MSRA: variants seen among roughly 807,000 people sequenced by gnomAD.
MSRA encodes the protein mitochondrial peptide methionine sulfoxide reductase.
MSRA carries 54 observed loss-of-function variants against 31.3 expected under a neutral mutation model. The observed-to-expected ratio is 1.73, with a 90% CI of 1.39 to 2.17. The LOEUF (loss-of-function observed/expected upper bound fraction) is 2.17, where lower values mean the gene tolerates loss of function less well. Among genes scored for constraint, MSRA ranks in the 30% most tolerant of loss-of-function variants. The probability of loss-of-function intolerance (pLI) is 0.00; values close to 1 mark genes in which losing one functional copy is unlikely to be tolerated. For synonymous variants in MSRA, 169 were observed against 116.5 expected, an observed-to-expected ratio of 1.45 and a Z score of -2.90; for missense variants, 507 against 300.9, an observed-to-expected ratio of 1.69 and a Z score of -5.07.
intron 1 of MSRA, among the ~76,000 whole-genome samples, chr8:10,147,086 G>A (rs538414744): frequency 1.4e-4 from 22 of 152,254 alleles, no homozygotes; most frequent in African/African-American, 5.1e-4. Flanking sequence ...TCGAAATCAG[G>A]TGACAAATGT....
intron 1 of MSRA, among the ~76,000 whole-genome samples, chr8:10,205,514 G>T (rs1291072689): frequency 2.6e-5 from 4 of 152,116 alleles, no homozygotes; most frequent in African/African-American, 9.7e-5. Context: ...CAGAGGAGAT[G>T]TCAGATAGGG....
intron 5 of MSRA, among the ~76,000 whole-genome samples, chr8:10,351,971 A>G (rs1804179497): frequency 6.6e-6 from 1 of 152,244 alleles, no homozygotes; most frequent in Admixed American, 6.5e-5. Flanking sequence ...TGCGATGAGG[A>G]TCGCACTGAC....
chr8:10,102,080 T>C (rs1799565343), intron 1 of MSRA, among the ~76,000 whole-genome samples: 1 of 152,236 alleles, frequency 6.6e-6, no homozygotes, highest in African/African-American at 2.4e-5. Context: ...GTCCTTAGTT[T>C]TCAAGGAATG....
intron 3 of MSRA, among the ~76,000 whole-genome samples, chr8:10,248,831 G>T (rs938969494): frequency 6.6e-6 from 1 of 152,232 alleles, no homozygotes; most frequent in Admixed American, 6.5e-5. Context: ...CATGCGTAGA[G>T]AATACAAGGG....
At chr8:10,368,691 G>A (rs1805305831) in intron 5 of MSRA, among the ~76,000 whole-genome samples, 2 of 152,230 alleles carry the variant, frequency 1.3e-5, no homozygotes, top group South Asian at 4.1e-4. Context: ...CAAAGCAGTT[G>A]TAAAACAGTT....
intron 1 of MSRA, among the ~76,000 whole-genome samples, chr8:10,117,405 G>A (rs1800765406): frequency 6.6e-6 from 1 of 152,206 alleles, no homozygotes; most frequent in Non-Finnish European, 1.5e-5. Flanking sequence ...CCCTGATCCA[G>A]CTCTCTGGTC....
At chr8:10,256,197 A>G (rs1302218341) in intron 3 of MSRA, among the ~76,000 whole-genome samples, 1 of 152,072 alleles carries the variant, frequency 6.6e-6, no homozygotes, top group Non-Finnish European at 1.5e-5. Context: ...TGCCTTTTTC[A>G]GAATGTCATT....
At chr8:10,410,825 C>G (rs761813397) in intron 5 of MSRA, among the ~76,000 whole-genome samples, 2 of 152,174 alleles carry the variant, frequency 1.3e-5, no homozygotes, top group Non-Finnish European at 2.9e-5. Flanking sequence ...GAAAGCATGC[C>G]AATTATATGC....
chr8:10,288,048 C>T (rs1303108602), intron 3 of MSRA, among the ~76,000 whole-genome samples: 3 of 151,996 alleles, frequency 2.0e-5, no homozygotes, highest in Non-Finnish European at 4.4e-5. Flanking sequence ...TGAATGAATC[C>T]CTCCTGTGGT....
chr8:10,082,257 A>AC (rs1324672189), intron 1 of MSRA, among the ~76,000 whole-genome samples: 1 of 152,030 alleles, frequency 6.6e-6, no homozygotes, highest in Non-Finnish European at 1.5e-5. Flanking sequence ...ACAAAACCTG[A>AC]CCCATAACAC....
chr8:10,391,496 A>C (rs1235192931), intron 5 of MSRA, among the ~76,000 whole-genome samples: 1 of 152,210 alleles, frequency 6.6e-6, no homozygotes, highest in Non-Finnish European at 1.5e-5. Flanking sequence ...ATTTCAGTTA[A>C]AACTATGAAA....
chr8:10,277,033 G>T (rs1057273782), intron 3 of MSRA, among the ~76,000 whole-genome samples: 2 of 151,996 alleles, frequency 1.3e-5, no homozygotes, highest in African/African-American at 4.8e-5. Flanking sequence ...TAATCTGTTA[G>T]CTTTTCTAAA....
intron 1 of MSRA, among the ~76,000 whole-genome samples, chr8:10,058,435 A>T (rs1802516584): frequency 6.6e-6 from 1 of 152,240 alleles, no homozygotes; most frequent in African/African-American, 2.4e-5. Context: ...TGAAAATGAT[A>T]ATTTTTAGGA....
At chr8:10,163,063 G>A (rs1386272329) in intron 1 of MSRA, among the ~76,000 whole-genome samples, 1 of 152,056 alleles carries the variant, frequency 6.6e-6, no homozygotes, top group African/African-American at 2.4e-5. Flanking sequence ...AAGAGCCTTA[G>A]TGCCTGCCTG....
chr8:10,402,161 G>C (rs376024672), intron 5 of MSRA, among the ~76,000 whole-genome samples: 2 of 152,184 alleles, frequency 1.3e-5, no homozygotes, highest in African/African-American at 4.8e-5. Flanking sequence ...ACATTGCTGA[G>C]GGTTCCTGTC....
intron 1 of MSRA, among the ~76,000 whole-genome samples, chr8:10,097,310 T>C (rs990017449): frequency 2.6e-5 from 4 of 152,202 alleles, no homozygotes; most frequent in African/African-American, 9.6e-5. Context: ...GTTGCCAAAA[T>C]GACAACCTTT....
chr8:10,189,312 C>T (rs1322413174), intron 1 of MSRA, among the ~76,000 whole-genome samples: 2 of 151,988 alleles, frequency 1.3e-5, no homozygotes, highest in Non-Finnish European at 2.9e-5. Context: ...TATTTTCCTT[C>T]TTTCATTTTT....
chr8:10,201,413 C>T (rs1808490384), intron 1 of MSRA, among the ~76,000 whole-genome samples: 1 of 152,106 alleles, frequency 6.6e-6, no homozygotes, highest in South Asian at 2.1e-4. Flanking sequence ...ACCAGGACTC[C>T]CAAGATGGCA....
At chr8:10,289,704 C>T (rs1375219097) in intron 3 of MSRA, among the ~76,000 whole-genome samples, 7 of 152,142 alleles carry the variant, frequency 4.6e-5, no homozygotes, top group Admixed American at 3.3e-4. Context: ...TTATCATGCT[C>T]GTAGGGCCTC....
Sources: allele counts gnomAD v4.1 joint callset (sites outside exome capture counted in the v4.1 genomes callset), GRCh38; gene constraint gnomAD v4.1.1; transcripts MANE v1.5; gene names NCBI Gene and HGNC (gene_info 2026-07-23, HGNC 2026-07-21).